PCDHGB4: variants seen among roughly 807,000 people sequenced by gnomAD.
PCDHGB4 encodes the protein protocadherin gamma-B4.
PCDHGB4 carries 38 observed loss-of-function variants against 60.5 expected under a neutral mutation model. That is an observed-to-expected ratio of 0.63 (90% CI 0.48 to 0.82). The LOEUF (loss-of-function observed/expected upper bound fraction) is 0.82. Among genes scored for constraint, PCDHGB4 ranks in the 40% least tolerant of loss-of-function variants. The pLI is 0.00. For missense variants in PCDHGB4, 1,109 were observed against 1,209.6 expected, an observed-to-expected ratio of 0.92 and a Z score of 1.23; for synonymous variants, 456 against 509.7, an observed-to-expected ratio of 0.89 and a Z score of 1.42.
At chr5:141,409,756 C>T in intron 1 of PCDHGB4, 1 of 1,612,994 alleles carries the variant, frequency 6.2e-7, no homozygotes, top group Non-Finnish European at 8.5e-7. Flanking sequence ...TCGCGCAGCG[C>T]GCCTTTGATC....
In PCDHGB4 at chr5:141,485,520, T is replaced by G. The variant is rs2099615008; in HGVS notation, c.2398-9287T>G. On this transcript the variant is annotated intron_variant, in intron 1 of 3. Transcript: ENST00000519479. This position sits in a 1 kb window ranked among gnomAD's most constrained non-coding sequence, Gnocchi z 5.7. ...TTTGTCACCGAAGGTCCTTTGGAAA[T>G]GTACCGAGCAGAGGTAGAGATCGTA... 1 of 1,614,108 alleles carries G rather than the reference T, an allele frequency of 6.2e-7. No homozygotes were observed. The highest frequency in any genetic ancestry group is 8.5e-7 in the Non-Finnish European group (1 of 1,180,012).
At chr5:141,419,781 G>C (rs1331740421) in intron 1 of PCDHGB4, 1 of 1,614,032 alleles carries the variant, frequency 6.2e-7, no homozygotes. Context: ...GTCCGCCAGC[G>C]CCTGCTAGTC....
At chr5:141,416,186 T>G (rs904230611) in intron 1 of PCDHGB4, 2 of 152,474 alleles carry the variant, frequency 1.3e-5, no homozygotes, top group African/African-American at 4.8e-5. Flanking sequence ...TTCATTAATA[T>G]TGAATTAACA....
In PCDHGB4 at chr5:141,485,031, C is replaced by A; in HGVS notation, c.2398-9776C>A. On this transcript the variant is annotated intron_variant, in intron 1 of 3. Coordinates refer to ENST00000519479, the MANE Select transcript of PCDHGB4 (RefSeq NM_003736.4). The surrounding 1 kb of genome is among the most constrained non-coding windows in gnomAD (Gnocchi z 5.7). Reference sequence around the variant, plus strand: ...TACCCCGCCACCAGCAAAAACGGCGCGTAACCCTTGCGGCGCCGGCCGAAC... The same window carrying A: ...TACCCCGCCACCAGCAAAAACGGCGAGTAACCCTTGCGGCGCCGGCCGAAC... The A allele has an allele frequency of 1.5e-6, 1 of 680,514 alleles. No homozygotes were observed. Among genetic ancestry groups the A allele is most frequent in the South Asian group, 1.8e-5 (1 of 54,868 alleles). 42.2% of individuals were successfully genotyped at this position (680,514 alleles called of 1,614,324 possible). A position where few individuals can be genotyped will look rare whatever the true frequency, so the allele number is the denominator to read the frequency against.
intron 2 of PCDHGB4, 164 bp downstream of exon 2, chr5:141,495,029 G>A: frequency 2.1e-6 from 2 of 968,864 alleles, no homozygotes; most frequent in Non-Finnish European, 2.5e-6. Flanking sequence ...ACAGACCCCG[G>A]AAGGAAGAGG....
Position 141,409,135 on chromosome 5 carries a change from T to C in PCDHGB4, c.2397+18854T>C, listed in dbSNP as rs748247175. 3.1e-6 allele frequency: 5 copies of C among 1,614,026 alleles called. No homozygotes were observed. In the South Asian group the frequency reaches 3.3e-5, roughly 11 times the overall value. On this transcript the variant is annotated intron_variant, in intron 1 of 3. Coordinates refer to ENST00000519479, the MANE Select transcript of PCDHGB4 (RefSeq NM_003736.4). ...ATAACCAGTCATTTGATTTTGAAGA[T>C]GTAGAAAGGTACACCATGGAAGTGG...
In PCDHGB4 at chr5:141,490,442, A is replaced by T. The variant is rs757900187; in HGVS notation, c.2398-4365A>T. On this transcript the variant is annotated intron_variant, in intron 1 of 3. Transcript: ENST00000519479. The surrounding 1 kb of genome is among the most constrained non-coding windows in gnomAD (Gnocchi z 5.4). ...CTGCCATTTCAGATTAAGCCTTCTG[A>T]GAACCACTACTCGCTGCTAACCAGC... 16 of 1,614,092 alleles carry T rather than the reference A, an allele frequency of 9.9e-6. No individual in the cohort carries two copies. Among genetic ancestry groups the T allele is most frequent in the Non-Finnish European group, 1.2e-5 (14 of 1,180,044 alleles).
chr5:141,423,689 G>A (rs2096767103), intron 1 of PCDHGB4: 2 of 1,400,130 alleles, frequency 1.4e-6, no homozygotes, highest in Non-Finnish European at 9.4e-7. Context: ...CCTCCTAATT[G>A]TTGGTGTCTT....
intron 1 of PCDHGB4, among the ~76,000 whole-genome samples, chr5:141,456,359 G>A (rs2098853225): frequency 6.6e-6 from 1 of 152,158 alleles, no homozygotes; most frequent in Non-Finnish European, 1.5e-5. Context: ...TGGCGTCCAT[G>A]TGTGGTTCAG....
At chr5:141,460,666 C>G (rs1245201344) in intron 1 of PCDHGB4, among the ~76,000 whole-genome samples, 1 of 151,670 alleles carries the variant, frequency 6.6e-6, no homozygotes, top group South Asian at 2.1e-4. Context: ...ACTGTAAACA[C>G]AGTTATATAT....
At chr5:141,394,586 G>A in intron 1 of PCDHGB4, 1 of 1,613,888 alleles carries the variant, frequency 6.2e-7, no homozygotes. Context: ...TGACCAAGGT[G>A]GTGGCGGTGG....
At chr5:141,497,855 C>T (rs1447484949) in intron 2 of PCDHGB4, among the ~76,000 whole-genome samples, 1 of 152,122 alleles carries the variant, frequency 6.6e-6, no homozygotes, top group Non-Finnish European at 1.5e-5. Flanking sequence ...ATTTTTGATT[C>T]AGCGGCTCCA....
rs1241912384 is a variant in PCDHGB4 at position 141,404,765 on chromosome 5, T to C, written c.2397+14484T>C. ...AGACTCAGGCCAGAATGCTTGGCTC[T>C]CCTACCGCCTATTCAAGGCCAGTGA... On this transcript the variant is annotated intron_variant, in intron 1 of 3. Coordinates refer to ENST00000519479, the MANE Select transcript of PCDHGB4 (RefSeq NM_003736.4). 2.5e-6 allele frequency: 4 copies of C among 1,613,120 alleles called. No individual in the cohort carries two copies. The Admixed American group carries it at 6.7e-5, about 27-fold the overall frequency.
chr5:141,441,800 G>T, intron 1 of PCDHGB4: 1 of 382,594 alleles, frequency 2.6e-6, no homozygotes, highest in Non-Finnish European at 5.2e-6. Flanking sequence ...ACGCACCGCG[G>T]GTGCTGTACC....
intron 1 of PCDHGB4, chr5:141,410,680 G>A: frequency 6.5e-7 from 1 of 1,535,692 alleles, no homozygotes; most frequent in Non-Finnish European, 8.7e-7. Flanking sequence ...TCATATTTTA[G>A]GCATACTACT....
chr5:141,399,491 T>A, intron 1 of PCDHGB4: 1 of 1,614,022 alleles, frequency 6.2e-7, no homozygotes, highest in African/African-American at 1.3e-5. Flanking sequence ...TCCTACTTAG[T>A]CAGTGTACCC....
intron 1 of PCDHGB4, among the ~76,000 whole-genome samples, chr5:141,484,760 A>G (rs1472178052): frequency 2.0e-5 from 3 of 151,880 alleles, no homozygotes; most frequent in South Asian, 2.1e-4. Flanking sequence ...GTATATATAT[A>G]TATATGTTGT....
intron 1 of PCDHGB4, among the ~76,000 whole-genome samples, chr5:141,435,921 C>T (rs767290430): frequency 1.3e-5 from 2 of 152,186 alleles, no homozygotes; most frequent in Admixed American, 6.5e-5. Context: ...CTCTAAAATG[C>T]GGCAGTTGCT....
chr5:141,485,827 G>A lies in PCDHGB4; in HGVS notation c.2398-8980G>A. 1 of 1,614,154 alleles carries A rather than the reference G, an allele frequency of 6.2e-7. No individual in the cohort carries two copies. The highest frequency in any genetic ancestry group is 1.1e-5 in the South Asian group (1 of 91,080). On this transcript the variant is annotated intron_variant, in intron 1 of 3. Coordinates refer to ENST00000519479, the MANE Select transcript of PCDHGB4 (RefSeq NM_003736.4). The surrounding 1 kb of genome is among the most constrained non-coding windows in gnomAD (Gnocchi z 5.7). Reference sequence around the variant, plus strand: ...TGGTGCTGACTGCTGTCGATGGAGGGAACCCGCCGAGATCTGGCACCGCAG... The same window carrying A: ...TGGTGCTGACTGCTGTCGATGGAGGAAACCCGCCGAGATCTGGCACCGCAG...
Sources: gnomAD v4.1 joint callset for allele counts (sites outside exome capture counted in the v4.1 genomes callset) on GRCh38, gnomAD v4.1.1 for gene constraint, Gnocchi (gnomAD v3.1) non-coding constraint, MANE v1.5 for transcripts, NCBI Gene and HGNC (gene_info 2026-07-23, HGNC 2026-07-21) for gene names.